Variants in HELZ observed in about 807,000 individuals in gnomAD.
HELZ encodes the protein ATP-dependent RNA helicase with zinc finger domain.
In HELZ, 23 loss-of-function variants were observed where a neutral mutation model predicts 218.2. The ratio of observed to expected loss-of-function variants is 0.11; its 90% CI spans 0.08 to 0.15. HELZ has a LOEUF of 0.15. Ranked by LOEUF, HELZ falls within the 10% of genes least tolerant of loss-of-function variation. The pLI is 1.00. For synonymous variants in HELZ, 814 were observed against 829.4 expected (o/e 0.98, Z 0.32); for missense variants, 1,813 against 2,353.7 (o/e 0.77, Z 4.75).
intron 6 of HELZ, among the ~76,000 whole-genome samples, chr17:67,201,967 G>A (rs182222411): frequency 4.4e-4 from 67 of 151,936 alleles, no homozygotes; most frequent in African/African-American, 1.4e-3. Context: ...TAACTATCCC[G>A]AGATGGGCCA....
chr17:67,210,667 T>C (rs945803360), intron 5 of HELZ, among the ~76,000 whole-genome samples: 2 of 152,184 alleles, frequency 1.3e-5, no homozygotes, highest in Non-Finnish European at 2.9e-5. Context: ...CTCACACCTG[T>C]AATCCTAGCA....
intron 15 of HELZ, among the ~76,000 whole-genome samples, chr17:67,164,296 T>C (rs2039075576): frequency 6.6e-6 from 1 of 152,166 alleles, no homozygotes; most frequent in Non-Finnish European, 1.5e-5. Flanking sequence ...TAAATAGTTG[T>C]TAAAATATTG....
intron 13 of HELZ, 34 bp downstream of exon 13, chr17:67,178,625 T>C (rs2039522811): frequency 6.4e-7 from 1 of 1,554,192 alleles, no homozygotes; most frequent in African/African-American, 1.4e-5. Flanking sequence ...AAAGGGGAGA[T>C]TTTTTGTTTT....
intron 31 of HELZ, among the ~76,000 whole-genome samples, chr17:67,099,402 A>G (rs200650002): frequency 4.2e-3 from 3 of 716 alleles, no homozygotes; most frequent in Non-Finnish European, 8.3e-3. Context: ...GATTCTGTGA[A>G]GTTCAGTATC....
intron 21 of HELZ, among the ~76,000 whole-genome samples, chr17:67,141,159 T>C (rs370111623): frequency 1.3e-4 from 20 of 152,192 alleles, no homozygotes; most frequent in African/African-American, 4.8e-4. Context: ...AAGGTAATTA[T>C]GTGGGTAATT....
chr17:67,245,557 C>T (rs1406755040), upstream of HELZ: 17 of 979,422 alleles, frequency 1.7e-5, no homozygotes, highest in Non-Finnish European at 2.1e-5. Context: ...CGGAGCTGCT[C>T]GCGGATTTAT....
intron 28 of HELZ, among the ~76,000 whole-genome samples, chr17:67,112,504 C>T (rs2037309948): frequency 6.6e-6 from 1 of 152,208 alleles, no homozygotes; most frequent in Non-Finnish European, 1.5e-5. Flanking sequence ...ACTGCAGCCC[C>T]CACTTATCTA....
Position 67,150,141 on chromosome 17 carries a change from T to TTC in HELZ, c.2357-157_2357-156insGA, listed in dbSNP as rs759586134. The TTC allele has an allele frequency of 3.4e-3, 1,617 of 475,676 alleles. 29 individuals carry two copies. The highest frequency in any genetic ancestry group is 0.031 in the African/African-American group (1,407 of 45,092). 29.5% of individuals were successfully genotyped at this position (475,676 alleles called of 1,614,324 possible). A position where few individuals can be genotyped will look rare whatever the true frequency, so the allele number is the denominator to read the frequency against. On this transcript the variant is annotated intron_variant, in intron 18 of 32. Coordinates refer to ENST00000358691, the MANE Select transcript of HELZ (RefSeq NM_014877.4). ...TATTTATTTTCTTTCTTTTTTTTTT[T>TTC]TTTTTTTTTTTTGAGACAGGGTGTC...
At chr17:67,208,780 G>T (rs1055246722) in intron 5 of HELZ, among the ~76,000 whole-genome samples, 1 of 150,870 alleles carries the variant, frequency 6.6e-6, no homozygotes, top group Non-Finnish European at 1.5e-5. Context: ...CAAAAAAACA[G>T]AAAAAAATTA....
chr17:67,245,667 G>C (rs975731990), upstream of HELZ: 7 of 257,078 alleles, frequency 2.7e-5, no homozygotes, highest in Admixed American at 6.5e-5. Flanking sequence ...GACCAGCTCC[G>C]CACCCGCCGC....
intron 7 of HELZ, among the ~76,000 whole-genome samples, chr17:67,198,630 A>C (rs1475169140): frequency 2.0e-5 from 3 of 152,248 alleles, no homozygotes; most frequent in Admixed American, 6.5e-5. Context: ...TTACTAAAGA[A>C]TATTTACTAA....
chr17:67,142,981 G>A (rs1332656396), intron 21 of HELZ, among the ~76,000 whole-genome samples: 2 of 151,750 alleles, frequency 1.3e-5, no homozygotes, highest in Non-Finnish European at 2.9e-5. Flanking sequence ...GGCTGGTCTC[G>A]AAGTCCTGAG....
In HELZ at chr17:67,120,504, A is replaced by C. The variant is rs1243388636; in HGVS notation, c.3739T>G (p.Ser1247Ala). The change falls in exon 27 of 33, where the codon TCT becomes GCT. Residue 1247 changes from serine (S) to alanine (A), a missense_variant. Ser to Ala is a moderately conservative substitution (Grantham distance 99, BLOSUM62 1). Coordinates refer to ENST00000358691, the MANE Select transcript of HELZ (RefSeq NM_014877.4). Reference sequence around the variant, plus strand: ...TGTCCAAGGCCATAAGGAATAGGAGATCCTCGTCCATGTGTCTGTAATAGG... The same window carrying C: ...TGTCCAAGGCCATAAGGAATAGGAGCTCCTCGTCCATGTGTCTGTAATAGG... ...MNLLQTHGRG[S>A]PIPYGLGHHP... 2.5e-6 allele frequency: 4 copies of C among 1,613,690 alleles called. No homozygotes were observed. The highest frequency in any genetic ancestry group is 3.4e-6 in the Non-Finnish European group (4 of 1,179,792).
rs866071859 is a variant in HELZ, at chr17:67,157,036, A to G, written c.2177+3225T>C. Among the ~76,000 whole-genome samples the G allele has an allele frequency of 6.1e-4, 92 of 151,958 alleles. 1 individual carries two copies. The highest frequency in any genetic ancestry group is 1.6e-3 in the Admixed American group (25 of 15,258). On this transcript the variant is annotated intron_variant, in intron 17 of 32. Coordinates refer to ENST00000358691, the MANE Select transcript of HELZ (RefSeq NM_014877.4). ...AGTGTGTGGCACCTCCCACACGTACACTCACTCTCACTTGCTCCTGATTTC... is the reference window on the plus strand; with the variant it reads ...AGTGTGTGGCACCTCCCACACGTACGCTCACTCTCACTTGCTCCTGATTTC...
At position 67,108,684 on chromosome 17, in the gene HELZ, T is replaced by G; in HGVS notation, c.4532A>C (p.Gln1511Pro). The G allele has an allele frequency of 6.2e-7, 1 of 1,613,996 alleles. No individual in the cohort carries two copies. Among genetic ancestry groups the G allele is most frequent in the South Asian group, 1.1e-5 (1 of 91,068 alleles). ...GSVALETLRQ[Q>P]QARFQQWSEH... Reference sequence around the variant, plus strand: ...GCTCCACTGCTGGAACCGTGCCTGCTGCTGCCTTAATGTTTCCAGAGCGAC... The same window carrying G: ...GCTCCACTGCTGGAACCGTGCCTGCGGCTGCCTTAATGTTTCCAGAGCGAC... The change falls in exon 30 of 33, where the codon CAG becomes CCG. Residue 1511 changes from glutamine (Q) to proline (P), a missense_variant. By Grantham distance (76) the Gln-to-Pro change is moderately conservative (BLOSUM62 -1). Transcript: ENST00000358691. This position sits in a 1 kb window ranked among gnomAD's most constrained non-coding sequence, Gnocchi z 4.1.
chr17:67,197,136 G>A (rs1223389004), intron 7 of HELZ, among the ~76,000 whole-genome samples: 1 of 152,184 alleles, frequency 6.6e-6, no homozygotes, highest in Non-Finnish European at 1.5e-5. Context: ...GACCCAGTGG[G>A]AGATAACTGA....
chr17:67,086,638 ATATATAT>A (rs1567787945), intron 32 of HELZ, among the ~76,000 whole-genome samples, 184 bp downstream of exon 32: 37 of 123,062 alleles, frequency 3.0e-4, no homozygotes, highest in Admixed American at 3.6e-4. Context: ...ATAAATATAT[ATATATAT>A]ATATATATAT....
intron 3 of HELZ, chr17:67,224,274 T>C (rs1598455434): frequency 6.4e-6 from 1 of 157,476 alleles, no homozygotes; most frequent in Non-Finnish European, 1.4e-5. Context: ...CTACAGGGGG[T>C]TGAATATACC....
intron 31 of HELZ, among the ~76,000 whole-genome samples, chr17:67,090,078 T>C (rs1173750409): frequency 1.3e-5 from 2 of 152,062 alleles, no homozygotes; most frequent in East Asian, 3.9e-4. Context: ...GGTGAAGAAG[T>C]TCCTTTCCAT....
Sources: allele counts gnomAD v4.1 joint callset (sites outside exome capture counted in the v4.1 genomes callset), GRCh38; gene constraint gnomAD v4.1.1; non-coding constraint Gnocchi (gnomAD v3.1); transcripts MANE v1.5; gene names NCBI Gene and HGNC (gene_info 2026-07-23, HGNC 2026-07-21).